Variants in TMEM132C observed in about 807,000 individuals in gnomAD.
TMEM132C encodes transmembrane protein 132C, also known as protein phosphatase 1, regulatory subunit 152.
Under a neutral mutation model 61.4 loss-of-function variants are expected in TMEM132C, and 29 were observed. The ratio of observed to expected loss-of-function variants is 0.47; its 90% CI spans 0.35 to 0.64. TMEM132C has a LOEUF of 0.64. Ranked by LOEUF, TMEM132C falls within the 30% of genes least tolerant of loss-of-function variation. TMEM132C has a pLI of 0.00. For synonymous variants in TMEM132C, 656 were observed against 633.1 expected (o/e 1.04, Z -0.54); for missense variants, 1,408 against 1,476.9 (o/e 0.95, Z 0.76).
chr12:128,663,106 A>C (rs1391783568), intron 4 of TMEM132C, among the ~76,000 whole-genome samples: 1 of 152,242 alleles, frequency 6.6e-6, no homozygotes, highest in East Asian at 1.9e-4. Flanking sequence ...TATAATTCTC[A>C]TGCCATAAAA....
chr12:128,603,584 A>G (rs150436357), intron 3 of TMEM132C, among the ~76,000 whole-genome samples: 340 of 152,026 alleles, frequency 2.2e-3, no homozygotes, highest in African/African-American at 8.0e-3. Flanking sequence ...CTTCCCGAAT[A>G]TTTTCTTCAC....
intron 2 of TMEM132C, among the ~76,000 whole-genome samples, chr12:128,539,313 G>A (rs1034206591): frequency 5.3e-5 from 8 of 152,168 alleles, no homozygotes; most frequent in African/African-American, 1.4e-4. Context: ...AGGAGTAAAT[G>A]ACCTTAGCAC....
chr12:128,615,651 A>G (rs748134009), intron 3 of TMEM132C, among the ~76,000 whole-genome samples: 38 of 152,136 alleles, frequency 2.5e-4, no homozygotes, highest in Non-Finnish European at 7.4e-5. Flanking sequence ...AATGTGAGCT[A>G]TGGGGAGTAG....
chr12:128,469,712 A>G (rs1870876706), intron 2 of TMEM132C, among the ~76,000 whole-genome samples: 1 of 150,492 alleles, frequency 6.6e-6, no homozygotes. Flanking sequence ...ATATGCATTT[A>G]TGTGTGTGTG....
chr12:128,333,255 G>A (rs1872707658), intron 1 of TMEM132C, among the ~76,000 whole-genome samples: 1 of 151,570 alleles, frequency 6.6e-6, no homozygotes, highest in Non-Finnish European at 1.5e-5. Context: ...CCATATGCGT[G>A]TTGCATGTGT....
intron 1 of TMEM132C, among the ~76,000 whole-genome samples, chr12:128,337,104 T>C (rs2135950359): frequency 6.6e-6 from 1 of 152,316 alleles, no homozygotes; most frequent in South Asian, 2.1e-4. Context: ...GAAATTAGGC[T>C]TAAAGAGAGA....
At chr12:128,303,941 G>T (rs962917999) in intron 1 of TMEM132C, among the ~76,000 whole-genome samples, 3 of 152,042 alleles carry the variant, frequency 2.0e-5, no homozygotes, top group African/African-American at 7.2e-5. Context: ...TTACCAGGGA[G>T]GTCTTCCCAG....
chr12:128,441,124 C>G (rs1367356574), intron 2 of TMEM132C, among the ~76,000 whole-genome samples: 1 of 152,178 alleles, frequency 6.6e-6, no homozygotes, highest in African/African-American at 2.4e-5. Context: ...TTCTAAAAAC[C>G]CAAGAGATGT....
chr12:128,648,561 T>A (rs1593133590), intron 4 of TMEM132C, among the ~76,000 whole-genome samples: 2 of 151,826 alleles, frequency 1.3e-5, no homozygotes, highest in South Asian at 4.2e-4. Context: ...TGGATGAGTG[T>A]GTTTACTGGA....
In TMEM132C at chr12:128,706,801, GGGATGCCTCTT is replaced by G. The variant is rs1475545949; in HGVS notation, c.*509_*519del. The G allele has an allele frequency of 6.6e-6, 1 of 152,608 alleles. No individual in the cohort carries two copies. The highest frequency in any genetic ancestry group is 1.9e-4 in the East Asian group (1 of 5,198). The allele number at this position is 152,608 out of a possible 1,614,324, so 9.5% of individuals were successfully genotyped here. A position where few individuals can be genotyped will look rare whatever the true frequency, so the allele number is the denominator to read the frequency against. ...CTGGGGGGGAGTCATTTCTTAACAA[GGGATGCCTCTT>G]GGGATAGAACTAGGGAGTTTTAAAT... On this transcript the variant is annotated 3_prime_UTR_variant, in exon 9 of 9. Transcript: ENST00000435159.
intron 2 of TMEM132C, among the ~76,000 whole-genome samples, chr12:128,428,136 C>T (rs1328624535): frequency 2.6e-5 from 4 of 152,144 alleles, no homozygotes; most frequent in African/African-American, 7.2e-5. Context: ...CTCAACAACC[C>T]GTTCTACAGA....
At chr12:128,414,245 GA>G (rs1252600666) in intron 1 of TMEM132C, among the ~76,000 whole-genome samples, 2 of 151,418 alleles carry the variant, frequency 1.3e-5, no homozygotes, top group Non-Finnish European at 2.9e-5. Context: ...TTATAAAGAA[GA>G]AAAAAAACAG....
chr12:128,378,207 C>T (rs1327812717), intron 1 of TMEM132C, among the ~76,000 whole-genome samples: 4 of 151,962 alleles, frequency 2.6e-5, no homozygotes, highest in Non-Finnish European at 5.9e-5. Context: ...CTCCGCCTCC[C>T]CGGTTCACGC....
At chr12:128,315,851 T>TC (rs140008062) in intron 1 of TMEM132C, among the ~76,000 whole-genome samples, 4,310 of 151,482 alleles carry the variant, frequency 0.028, 220 homozygotes, top group African/African-American at 0.098. Context: ...GAGTGACGCA[T>TC]CCACAAGCCC....
chr12:128,453,130 C>A (rs529264236), intron 2 of TMEM132C, among the ~76,000 whole-genome samples: 1 of 152,130 alleles, frequency 6.6e-6, no homozygotes. Context: ...TGCAGTGTGA[C>A]GGAGTGTCCC....
chr12:128,329,034 G>T (rs1208106332), intron 1 of TMEM132C, among the ~76,000 whole-genome samples: 2 of 152,072 alleles, frequency 1.3e-5, no homozygotes, highest in African/African-American at 4.8e-5. Context: ...TTGAGTCGGA[G>T]ATTTCTACCC....
chr12:128,423,613 TAGTCCCAG>T (rs1869067441), intron 2 of TMEM132C, among the ~76,000 whole-genome samples: 2 of 152,214 alleles, frequency 1.3e-5, no homozygotes, highest in African/African-American at 4.8e-5. Flanking sequence ...CTTTTGCCTG[TAGTCCCAG>T]CTACTCTGGA....
At chr12:128,533,455 C>T (rs1425520906) in intron 2 of TMEM132C, among the ~76,000 whole-genome samples, 2 of 152,162 alleles carry the variant, frequency 1.3e-5, no homozygotes, top group African/African-American at 4.8e-5. Context: ...GGATACGAAT[C>T]TCTCACAGTT....
intron 4 of TMEM132C, among the ~76,000 whole-genome samples, chr12:128,636,187 A>T (rs566319247): frequency 6.6e-6 from 1 of 151,928 alleles, no homozygotes; most frequent in South Asian, 2.1e-4. Context: ...AGTAGCTGGA[A>T]CCACAGGCAT....
Sources: gnomAD v4.1 joint callset for allele counts (sites outside exome capture counted in the v4.1 genomes callset) on GRCh38, gnomAD v4.1.1 for gene constraint, MANE v1.5 for transcripts, NCBI Gene and HGNC (gene_info 2026-07-23, HGNC 2026-07-21) for gene names.